Variants in USP28 observed in about 807,000 individuals in gnomAD.
The protein encoded by USP28 is ubiquitin carboxyl-terminal hydrolase 28.
In USP28, 113 loss-of-function variants were observed where a neutral mutation model predicts 145.0. That is an observed-to-expected ratio of 0.78 (90% CI 0.67 to 0.91). The LOEUF is 0.91. Ranked by LOEUF, USP28 falls within the 40% of genes least tolerant of loss-of-function variation. The pLI, the probability that USP28 is intolerant of heterozygous loss-of-function variation, is 0.00. For missense variants in USP28, 1,201 were observed against 1,289.6 expected, an observed-to-expected ratio of 0.93 and a Z score of 1.05; for synonymous variants, 447 against 450.9, an observed-to-expected ratio of 0.99 and a Z score of 0.11.
At chr11:113,846,985 C>T (rs1435728574) in intron 3 of USP28, among the ~76,000 whole-genome samples, 1 of 152,026 alleles carries the variant, frequency 6.6e-6, no homozygotes, top group Non-Finnish European at 1.5e-5. Flanking sequence ...ACAGAGCGAG[C>T]TTCCTTCTCA....
chr11:113,812,203 A>T, intron 16 of USP28, 73 bp downstream of exon 16: 2 of 1,029,356 alleles, frequency 1.9e-6, no homozygotes, highest in Non-Finnish European at 2.8e-6. Flanking sequence ...TTTAAAAAGC[A>T]GTACAAGACT....
intron 15 of USP28, among the ~76,000 whole-genome samples, chr11:113,813,052 T>C (rs1941236360): frequency 6.6e-6 from 1 of 152,186 alleles, no homozygotes; most frequent in Non-Finnish European, 1.5e-5. Flanking sequence ...TTTGTGTATT[T>C]TCAATATAGA....
intron 16 of USP28, 26 bp from the exon 17 acceptor site, chr11:113,809,280 A>T (rs761071007): frequency 6.2e-7 from 1 of 1,608,150 alleles, no homozygotes; most frequent in Non-Finnish European, 8.5e-7. Flanking sequence ...GATAGAGTTA[A>T]AAGGTCACAA....
At chr11:113,830,788 T>C in intron 9 of USP28, 79 bp downstream of exon 9, 1 of 1,384,688 alleles carries the variant, frequency 7.2e-7, no homozygotes, top group Non-Finnish European at 1.0e-6. Flanking sequence ...GCCTATTCAC[T>C]ATACTGCCTC....
intron 3 of USP28, among the ~76,000 whole-genome samples, chr11:113,851,265 T>A (rs1946413900): frequency 6.6e-6 from 1 of 152,180 alleles, no homozygotes; most frequent in Admixed American, 6.5e-5. Context: ...TCAGTTTATA[T>A]CATTCCTTTG....
At chr11:113,831,139 T>C (rs1943942027) in intron 8 of USP28, among the ~76,000 whole-genome samples, 196 bp from the exon 9 acceptor site, 1 of 152,182 alleles carries the variant, frequency 6.6e-6, no homozygotes, top group African/African-American at 2.4e-5. Flanking sequence ...TGCTAAACTC[T>C]GAAGACACAA....
chr11:113,799,772 G>T (rs1424339279), intron 24 of USP28, among the ~76,000 whole-genome samples: 1 of 152,142 alleles, frequency 6.6e-6, no homozygotes, highest in African/African-American at 2.4e-5. Flanking sequence ...AATCAGGGGT[G>T]TACAGTCTTT....
intron 3 of USP28, among the ~76,000 whole-genome samples, chr11:113,844,558 T>C (rs1483930792): frequency 6.6e-6 from 1 of 152,178 alleles, no homozygotes; most frequent in African/African-American, 2.4e-5. Context: ...TGTGACTGAA[T>C]GAAACACACA....
intron 22 of USP28, 134 bp from the exon 24 acceptor site, chr11:113,803,415 A>C: frequency 2.0e-6 from 2 of 1,016,950 alleles, no homozygotes; most frequent in South Asian, 4.1e-5. Context: ...GACCGTAGCC[A>C]GTCTCATCTC....
exon 13 of USP28, chr11:113,817,721 G>T (rs756781503): frequency 4.3e-6 from 7 of 1,614,084 alleles, no homozygotes; most frequent in Non-Finnish European, 5.9e-6. Context: ...TGTCATATGT[G>T]TGTCACTTTC....
chr11:113,833,119 G>A (rs966741074), intron 7 of USP28, among the ~76,000 whole-genome samples: 2 of 152,180 alleles, frequency 1.3e-5, no homozygotes, highest in African/African-American at 4.8e-5. Context: ...ACAGCTCATT[G>A]AGGTATTTTC....
At chr11:113,818,688 T>C (rs1403326419) in intron 12 of USP28, among the ~76,000 whole-genome samples, 3 of 151,946 alleles carry the variant, frequency 2.0e-5, no homozygotes, top group African/African-American at 7.2e-5. Context: ...GACAAAACCC[T>C]GTCTCCACAA....
intron 12 of USP28, chr11:113,820,178 A>C (rs1003271777): frequency 6.6e-6 from 1 of 152,180 alleles, no homozygotes; most frequent in African/African-American, 2.4e-5. Context: ...CCTACATGAA[A>C]TAAATCCTCT....
exon 16 of USP28, chr11:113,812,487 A>G: frequency 6.2e-7 from 1 of 1,614,064 alleles, no homozygotes; most frequent in South Asian, 1.1e-5. Flanking sequence ...CAAGAACTGC[A>G]TGCAAGCGAT....
In USP28 at chr11:113,833,415, T is replaced by TGTAC. The variant is rs1268014346; in HGVS notation, c.759+1_759+4dup. On this transcript the variant is annotated splice_donor_region_variant and intron_variant, in intron 7 of 24. Transcript: ENST00000003302. The stretch of plus-strand genomic sequence containing the variant: ...TCAAACTCAAGAACAAGGCTTCTTT[T>TGTAC]GTACCTGCTGTTCCTCAGATGATCG... 1 of 1,610,704 alleles carries TGTAC rather than the reference T, an allele frequency of 6.2e-7. No individual in the cohort carries two copies. The highest frequency in any genetic ancestry group is 8.5e-7 in the Non-Finnish European group (1 of 1,179,084).
intron 5 of USP28, among the ~76,000 whole-genome samples, chr11:113,837,927 C>A (rs772611507): frequency 6.6e-6 from 1 of 152,110 alleles, no homozygotes; most frequent in Non-Finnish European, 1.5e-5. Flanking sequence ...TTCAAACTTT[C>A]ACTCCCTTTA....
Position 113,854,343 on chromosome 11 carries a change from T to G in USP28, c.58-8A>C. On this transcript the variant is annotated splice_region_variant and splice_polypyrimidine_tract_variant and intron_variant, in intron 1 of 24. Transcript: ENST00000003302. ...TAACAGCATTTGGCAGCTCTATATT[T>G]GCAAAACAAAAAAACCACAAACATG... The G allele has an allele frequency of 6.2e-7, 1 of 1,612,728 alleles. No individual in the cohort carries two copies. The highest frequency in any genetic ancestry group is 8.5e-7 in the Non-Finnish European group (1 of 1,179,548).
chr11:113,874,603 G>C (rs1218672580), intron 1 of USP28: 1 of 1,288,232 alleles, frequency 7.8e-7, no homozygotes, highest in East Asian at 5.6e-5. Context: ...CAGATTTCCC[G>C]TTTTCTCTTG....
At chr11:113,832,618 C>T (rs967491882) in intron 7 of USP28, among the ~76,000 whole-genome samples, 1 of 151,318 alleles carries the variant, frequency 6.6e-6, no homozygotes, top group Non-Finnish European at 1.5e-5. Flanking sequence ...AGAAAAAGGC[C>T]CAAGGAACTC....
Sources: gnomAD v4.1 joint callset for allele counts (sites outside exome capture counted in the v4.1 genomes callset) on GRCh38, gnomAD v4.1.1 for gene constraint, MANE v1.5 for transcripts, NCBI Gene and HGNC (gene_info 2026-07-23, HGNC 2026-07-21) for gene names.